Variants in SLCO1B1 observed in about 807,000 individuals in gnomAD.
The protein encoded by SLCO1B1 is OATP-2.
Under a neutral mutation model 70.1 loss-of-function variants are expected in SLCO1B1, and 81 were observed. The observed-to-expected ratio is 1.16, with a 90% CI of 0.97 to 1.39. The LOEUF is 1.39. Ranked by LOEUF, SLCO1B1 falls within the 40% of genes most tolerant of loss-of-function variation. SLCO1B1 has a pLI of 0.00. For missense variants in SLCO1B1, 895 were observed against 799.6 expected (o/e 1.12, Z -1.44); for synonymous variants, 283 against 271.5 (o/e 1.04, Z -0.42).
At chr12:21,133,687 T>C (rs1168032301) in intron 1 of SLCO1B1, among the ~76,000 whole-genome samples, 4 of 152,246 alleles carry the variant, frequency 2.6e-5, no homozygotes, top group Admixed American at 6.5e-5. Context: ...GATTTTGTAT[T>C]CTGAGACTTT....
At chr12:21,149,822 C>T (rs913974162) in intron 2 of SLCO1B1, among the ~76,000 whole-genome samples, 10 of 152,102 alleles carry the variant, frequency 6.6e-5, no homozygotes, top group Non-Finnish European at 2.9e-5. Context: ...TTTTAAACCC[C>T]AGTGGTGCCT....
At chr12:21,177,470 T>C (rs1254494533) in intron 5 of SLCO1B1, among the ~76,000 whole-genome samples, 2 of 152,132 alleles carry the variant, frequency 1.3e-5, no homozygotes, top group African/African-American at 4.8e-5. Flanking sequence ...TAAATTATAA[T>C]TGCAAATTGT....
chr12:21,140,867 A>C (rs1033730324), intron 1 of SLCO1B1, among the ~76,000 whole-genome samples: 2 of 151,958 alleles, frequency 1.3e-5, no homozygotes, highest in Non-Finnish European at 2.9e-5. Context: ...TTTCAACTAT[A>C]TGCATTTTCT....
rs189925961 is a variant in SLCO1B1, at chr12:21,177,139, C to T, written c.481+242C>T. On this transcript the variant is annotated intron_variant, in intron 5 of 14. Transcript: ENST00000256958. Reference sequence around the variant, plus strand: ...CATCTGAACTGGATGATAAACCTGCCGGTAAGAATATCTGACATTTTCTAT... The same window carrying T: ...CATCTGAACTGGATGATAAACCTGCTGGTAAGAATATCTGACATTTTCTAT... Among the ~76,000 whole-genome samples the T allele has an allele frequency of 2.1e-3, 321 of 152,142 alleles. 3 individuals carry two copies. The highest frequency in any genetic ancestry group is 7.5e-3 in the African/African-American group (310 of 41,530).
In SLCO1B1 at chr12:21,210,378, G is replaced by A. The variant is rs1382339682; in HGVS notation, c.1497+4345G>A. Among the ~76,000 whole-genome samples, 8 of 121,162 alleles carry A rather than the reference G, an allele frequency of 6.6e-5. 1 individual carries two copies. The South Asian group carries it at 1.4e-3, about 20-fold the overall frequency. The allele number at this position is 121,162 out of a possible 152,430, so 79.5% of individuals were successfully genotyped here. On this transcript the variant is annotated intron_variant, in intron 11 of 14. Coordinates refer to ENST00000256958, the MANE Select transcript of SLCO1B1 (RefSeq NM_006446.5). ...AAAGATCAGATAGTTGTAGATATGCGGCATTATTTCTGAGGGCTCTGTTCT... is the reference window on the plus strand; with the variant it reads ...AAAGATCAGATAGTTGTAGATATGCAGCATTATTTCTGAGGGCTCTGTTCT...
Position 21,141,511 on chromosome 12 carries a change from T to C in SLCO1B1, c.-61-3T>C, listed in dbSNP as rs749097006. ...ATAAACTATACTTTTTCTTCCTTAA[T>C]AGGTGATTGTTTCAAACTGAGCATC... On this transcript the variant is annotated splice_polypyrimidine_tract_variant and splice_region_variant and intron_variant, in intron 1 of 14. Transcript: ENST00000256958. 13 of 919,912 alleles carry C rather than the reference T, an allele frequency of 1.4e-5. No individual in the cohort carries two copies. In the East Asian group the frequency reaches 3.2e-4, roughly 23 times the overall value. 57.0% of individuals were successfully genotyped at this position (919,912 alleles called of 1,614,324 possible).
intron 11 of SLCO1B1, among the ~76,000 whole-genome samples, chr12:21,212,781 GC>G (rs1277562005): frequency 6.7e-6 from 1 of 148,310 alleles, no homozygotes; most frequent in Non-Finnish European, 1.5e-5. Context: ...AGGATAGTTA[GC>G]TCTTCTTGTT....
At chr12:21,156,678 TA>T (rs1443866979) in intron 2 of SLCO1B1, among the ~76,000 whole-genome samples, 1 of 152,158 alleles carries the variant, frequency 6.6e-6, no homozygotes, top group Non-Finnish European at 1.5e-5. Context: ...CAAGAACCTT[TA>T]AAAAAGCATA....
chr12:21,203,027 C>T (rs1453050945), intron 10 of SLCO1B1, among the ~76,000 whole-genome samples: 1 of 151,986 alleles, frequency 6.6e-6, no homozygotes, highest in Non-Finnish European at 1.5e-5. Context: ...GATTCTAACT[C>T]AAATTTGAGT....
chr12:21,228,452 T>A (rs2121199290), intron 14 of SLCO1B1, among the ~76,000 whole-genome samples: 1 of 152,338 alleles, frequency 6.6e-6, no homozygotes, highest in South Asian at 2.1e-4. Flanking sequence ...CTCACTCCTC[T>A]GTGGATTCTT....
intron 6 of SLCO1B1, 49 bp from the exon 7 acceptor site, chr12:21,178,873 G>C (rs746201862): frequency 7.1e-7 from 1 of 1,413,184 alleles, no homozygotes; most frequent in Non-Finnish European, 1.0e-6. Flanking sequence ...TGGTGAATAA[G>C]AACCATGCAT....
intron 8 of SLCO1B1, 73 bp downstream of exon 8, chr12:21,197,261 T>G: frequency 6.5e-7 from 1 of 1,541,144 alleles, no homozygotes. Context: ...TATTCCAAAA[T>G]AATAAAGCAT....
rs182448550 is a variant in SLCO1B1, at chr12:21,171,402, G to A, written c.85-1248G>A. Reference sequence around the variant, plus strand: ...TGTGGGGAGGTGGGTGTAAAAAAGAGGATAGGTTGTTTATGGTCTCATAGG... The same window carrying A: ...TGTGGGGAGGTGGGTGTAAAAAAGAAGATAGGTTGTTTATGGTCTCATAGG... On this transcript the variant is annotated intron_variant, in intron 2 of 14. Coordinates refer to ENST00000256958, the MANE Select transcript of SLCO1B1 (RefSeq NM_006446.5). 2.2e-3 allele frequency among the ~76,000 whole-genome samples: 334 copies of A among 152,252 alleles called. 1 individual carries two copies. Among genetic ancestry groups the A allele is most frequent in the African/African-American group, 7.3e-3 (303 of 41,552 alleles).
rs1256809699 is a variant in SLCO1B1 at position 21,190,606 on chromosome 12, A to T, written c.728-6340A>T. On this transcript the variant is annotated intron_variant, in intron 7 of 14. Transcript: ENST00000256958. The stretch of plus-strand genomic sequence containing the variant: ...GAATTCTATAATGATAAATTTTGAT[A>T]TTTTACATACCTGAGTAATGTACAT... 2.0e-5 allele frequency among the ~76,000 whole-genome samples: 3 copies of T among 152,234 alleles called. No homozygotes were observed. The East Asian group carries it at 5.8e-4, about 29-fold the overall frequency.
intron 14 of SLCO1B1, among the ~76,000 whole-genome samples, chr12:21,233,970 A>G (rs1288407743): frequency 6.6e-6 from 1 of 152,234 alleles, no homozygotes; most frequent in African/African-American, 2.4e-5. Flanking sequence ...CTGCCTAGAC[A>G]GAGCTTATTT....
At chr12:21,234,095 A>T (rs1015521749) in intron 14 of SLCO1B1, among the ~76,000 whole-genome samples, 5 of 152,138 alleles carry the variant, frequency 3.3e-5, no homozygotes, top group Middle Eastern at 3.2e-3. Context: ...TCTCTCTGAG[A>T]ATTTGAGGAC....
At position 21,202,502 on chromosome 12, in the gene SLCO1B1, A is replaced by C; in HGVS notation, c.1147A>C (p.Ile383Leu). 2 of 1,606,318 alleles carry C rather than the reference A, an allele frequency of 1.2e-6. No individual in the cohort carries two copies. Among genetic ancestry groups the C allele is most frequent in the Non-Finnish European group, 8.5e-7 (1 of 1,175,716 alleles). Reference sequence around the variant, plus strand: ...TCTTTTTTTTCTAGGAGTCATAACCATACCTATTTTTGCAAGTGGAATGTT... The same window carrying C: ...TCTTTTTTTTCTAGGAGTCATAACCCTACCTATTTTTGCAAGTGGAATGTT... ...KANILLGVIT[I>L]PIFASGMFLG... The change falls in exon 10 of 15, where the codon ATA (isoleucine) becomes CTA (leucine). Residue 383 changes from isoleucine to leucine, a missense_variant. Ile to Leu is a conservative substitution (Grantham distance 5). Transcript: ENST00000256958.
At chr12:21,233,202 G>A (rs1008011209) in intron 14 of SLCO1B1, among the ~76,000 whole-genome samples, 7 of 147,696 alleles carry the variant, frequency 4.7e-5, no homozygotes, top group Admixed American at 1.4e-4. Flanking sequence ...AGATGAAGAA[G>A]TGGACAGTCA....
chr12:21,178,896 G>A, intron 6 of SLCO1B1, 26 bp from the exon 7 acceptor site: 4 of 1,535,022 alleles, frequency 2.6e-6, no homozygotes, highest in Non-Finnish European at 3.6e-6. Flanking sequence ...TTGGCATCTA[G>A]TAAAATTGCT....
Sources: gnomAD v4.1 joint callset for allele counts (sites outside exome capture counted in the v4.1 genomes callset) on GRCh38, gnomAD v4.1.1 for gene constraint, MANE v1.5 for transcripts, NCBI Gene and HGNC (gene_info 2026-07-23, HGNC 2026-07-21) for gene names.